CNTNAP2: variants seen among roughly 807,000 people sequenced by gnomAD.
The protein encoded by CNTNAP2 is contactin-associated protein-like 2.
In CNTNAP2, 98 loss-of-function variants were observed where a neutral mutation model predicts 155.2. The observed-to-expected ratio is 0.63, with a 90% CI of 0.54 to 0.75. The LOEUF (loss-of-function observed/expected upper bound fraction) is 0.75. CNTNAP2 is among the 30% of genes least tolerant of loss of function. The probability of loss-of-function intolerance (pLI) is 0.00; values close to 1 mark genes in which losing one functional copy is unlikely to be tolerated. For missense variants in CNTNAP2, 1,727 were observed against 1,688.1 expected, an observed-to-expected ratio of 1.02 and a Z score of -0.40; for synonymous variants, 651 against 631.2, an observed-to-expected ratio of 1.03 and a Z score of -0.47.
intron 1 of CNTNAP2, among the ~76,000 whole-genome samples, chr7:146,718,445 C>T (rs1801229292): frequency 6.6e-6 from 1 of 152,016 alleles, no homozygotes; most frequent in African/African-American, 2.4e-5. Context: ...GTGCTAAGGA[C>T]TGCTTGGAGT....
At chr7:148,185,395 C>T (rs1795100906) in intron 18 of CNTNAP2, among the ~76,000 whole-genome samples, 1 of 152,164 alleles carries the variant, frequency 6.6e-6, no homozygotes, top group African/African-American at 2.4e-5. Flanking sequence ...TTATTGAGAT[C>T]GTTAGCAAAT....
chr7:146,918,093 CT>C (rs1796430224), intron 3 of CNTNAP2, among the ~76,000 whole-genome samples: 2 of 152,170 alleles, frequency 1.3e-5, no homozygotes, highest in Admixed American at 6.6e-5. Context: ...AGGTGAGTCT[CT>C]TGAAGACAGC....
Position 148,181,006 on chromosome 7 carries a change from A to T in CNTNAP2, c.3010+8528A>T, listed in dbSNP as rs113186278. ...AGGTGGTAGTGTCTATCTATCTACT[A>T]GAGATGAGATATACTGTTTTGGGGC... On this transcript the variant is annotated intron_variant, in intron 18 of 23. Coordinates refer to ENST00000361727, the MANE Select transcript of CNTNAP2 (RefSeq NM_014141.6). Among the ~76,000 whole-genome samples, 114 of 152,288 alleles carry T rather than the reference A, an allele frequency of 7.5e-4. 1 individual carries two copies. In the South Asian group the frequency reaches 7.9e-3, roughly 11 times the overall value.
At position 147,326,742 on chromosome 7, in the gene CNTNAP2, G is replaced by T. The variant is rs1353281862; in HGVS notation, c.1498+26452G>T. On this transcript the variant is annotated intron_variant, in intron 9 of 23. Transcript: ENST00000361727. ...TGCTTTTGTGGTAACAGCTCTTCTAGTGGGTGTGAAATGGTTTTCTTTCAC... is the reference window on the plus strand; with the variant it reads ...TGCTTTTGTGGTAACAGCTCTTCTATTGGGTGTGAAATGGTTTTCTTTCAC... 2.0e-5 allele frequency among the ~76,000 whole-genome samples: 3 copies of T among 152,176 alleles called. No homozygotes were observed. The East Asian group carries it at 5.8e-4, about 29-fold the overall frequency.
At chr7:147,215,888 G>A (rs1477613400) in intron 8 of CNTNAP2, among the ~76,000 whole-genome samples, 1 of 152,066 alleles carries the variant, frequency 6.6e-6, no homozygotes, top group Non-Finnish European at 1.5e-5. Context: ...GCCATTTTAG[G>A]TATGTAATGA....
At chr7:148,287,168 G>C (rs574707432) in intron 21 of CNTNAP2, among the ~76,000 whole-genome samples, 27 of 152,126 alleles carry the variant, frequency 1.8e-4, no homozygotes, top group Admixed American at 1.3e-4. Context: ...CATATAATTG[G>C]AATCATACAA....
intron 9 of CNTNAP2, among the ~76,000 whole-genome samples, chr7:147,373,170 A>G (rs1184420124): frequency 6.6e-6 from 1 of 152,082 alleles, no homozygotes; most frequent in East Asian, 1.9e-4. Flanking sequence ...AGTAATATCA[A>G]CAGGCTCTCT....
chr7:148,169,619 C>G (rs1042827247), intron 17 of CNTNAP2, among the ~76,000 whole-genome samples: 2 of 152,180 alleles, frequency 1.3e-5, no homozygotes, highest in Non-Finnish European at 2.9e-5. Flanking sequence ...GAATAGGATG[C>G]TATGCAGATA....
rs374335723 is a variant in CNTNAP2 at position 146,972,853 on chromosome 7, GTTT to G, written c.403-71052_403-71050del. On this transcript the variant is annotated intron_variant, in intron 3 of 23. Transcript: ENST00000361727. ...TTTGGTTGATTTTCCTGGCTCATCA[GTTT>G]TGAGGTTATTGTAACTAACACACCT... Among the ~76,000 whole-genome samples the G allele has an allele frequency of 2.7e-3, 417 of 152,270 alleles. 1 individual carries two copies. Among genetic ancestry groups the G allele is most frequent in the African/African-American group, 9.6e-3 (398 of 41,562 alleles).
At chr7:146,412,129 G>A (rs1488737778) in intron 1 of CNTNAP2, among the ~76,000 whole-genome samples, 1 of 152,024 alleles carries the variant, frequency 6.6e-6, no homozygotes, top group Non-Finnish European at 1.5e-5. Flanking sequence ...CACCGCGCCC[G>A]GCCAACATTG....
intron 1 of CNTNAP2, among the ~76,000 whole-genome samples, chr7:146,133,411 A>G (rs1257575668): frequency 6.6e-6 from 1 of 151,916 alleles, no homozygotes; most frequent in Non-Finnish European, 1.5e-5. Flanking sequence ...GAAGCTCTTT[A>G]GTTTAATTAG....
chr7:146,395,506 C>A (rs1267784897), intron 1 of CNTNAP2, among the ~76,000 whole-genome samples: 1 of 152,048 alleles, frequency 6.6e-6, no homozygotes, highest in African/African-American at 2.4e-5. Flanking sequence ...CCTCCTCTCC[C>A]AGTATTCCTC....
chr7:146,477,292 G>A (rs574316726), intron 1 of CNTNAP2, among the ~76,000 whole-genome samples: 38 of 152,184 alleles, frequency 2.5e-4, no homozygotes, highest in African/African-American at 8.4e-4. Context: ...ACAAAATCAG[G>A]TCATACATAT....
chr7:146,905,026 T>C (rs542531896), intron 3 of CNTNAP2, among the ~76,000 whole-genome samples: 51 of 152,252 alleles, frequency 3.3e-4, no homozygotes, highest in Admixed American at 5.9e-4. Context: ...ACTATGACAT[T>C]TGGGGACAGA....
chr7:146,832,515 A>G (rs1050770635), intron 2 of CNTNAP2, among the ~76,000 whole-genome samples: 76 of 147,974 alleles, frequency 5.1e-4, no homozygotes, highest in African/African-American at 1.8e-3. Flanking sequence ...TAAATTTTAT[A>G]TATGTACATA....
At chr7:146,972,837 T>A (rs75763782) in intron 3 of CNTNAP2, among the ~76,000 whole-genome samples, 2 of 152,142 alleles carry the variant, frequency 1.3e-5, no homozygotes, top group African/African-American at 4.8e-5. Context: ...ATTTGGTTGA[T>A]TTTCCTGGCT....
chr7:146,419,807 T>C (rs541318558), intron 1 of CNTNAP2, among the ~76,000 whole-genome samples: 3 of 152,262 alleles, frequency 2.0e-5, no homozygotes, highest in East Asian at 3.9e-4. Context: ...CACAGTTATT[T>C]TGAACACTGA....
intron 11 of CNTNAP2, among the ~76,000 whole-genome samples, chr7:147,516,027 C>G (rs1004458405): frequency 1.3e-5 from 2 of 152,250 alleles, no homozygotes; most frequent in African/African-American, 4.8e-5. Context: ...CAAACCATTT[C>G]TTACTGGAAA....
chr7:147,585,489 G>C (rs1340074791), intron 12 of CNTNAP2, among the ~76,000 whole-genome samples: 1 of 149,116 alleles, frequency 6.7e-6, no homozygotes, highest in Non-Finnish European at 1.5e-5. Flanking sequence ...TCTCATTATA[G>C]ATATATAGAT....
Sources: allele counts gnomAD v4.1 joint callset (sites outside exome capture counted in the v4.1 genomes callset), GRCh38; gene constraint gnomAD v4.1.1; transcripts MANE v1.5; gene names NCBI Gene and HGNC (gene_info 2026-07-23, HGNC 2026-07-21).